MPPED1: variants seen among roughly 807,000 people sequenced by gnomAD.
The protein encoded by MPPED1 is metallophosphoesterase domain containing 1.
In MPPED1, 16 loss-of-function variants were observed where a neutral mutation model predicts 36.2. The observed-to-expected ratio is 0.44, with a 90% CI of 0.30 to 0.67. The LOEUF is 0.67. Among genes scored for constraint, MPPED1 ranks in the 30% least tolerant of loss-of-function variants. The pLI, the probability that MPPED1 is intolerant of heterozygous loss-of-function variation, is 0.10. For synonymous variants in MPPED1, 199 were observed against 191.3 expected (o/e 1.04, Z -0.33); for missense variants, 307 against 453.4 (o/e 0.68, Z 2.93).
At chr22:43,412,834 C>T (rs1342960210) in intron 1 of MPPED1, among the ~76,000 whole-genome samples, 1 of 152,226 alleles carries the variant, frequency 6.6e-6, no homozygotes, top group Non-Finnish European at 1.5e-5. Context: ...AGTTCTGTCT[C>T]CTGTGTGTTT....
At chr22:43,453,618 A>G (rs1930652444) in intron 3 of MPPED1, among the ~76,000 whole-genome samples, 1 of 152,086 alleles carries the variant, frequency 6.6e-6, no homozygotes, top group Non-Finnish European at 1.5e-5. Context: ...GTTGACTTCT[A>G]CAGTTCTAGA....
intron 4 of MPPED1, among the ~76,000 whole-genome samples, chr22:43,497,487 G>A (rs894790037): frequency 2.6e-5 from 4 of 152,090 alleles, no homozygotes; most frequent in Non-Finnish European, 5.9e-5. Context: ...TTTATACACA[G>A]GGATGATAGT....
chr22:43,422,162 C>T (rs764636000), intron 1 of MPPED1, among the ~76,000 whole-genome samples: 39 of 152,172 alleles, frequency 2.6e-4, no homozygotes, highest in Admixed American at 1.4e-3. Context: ...CTTCAGCCAG[C>T]GGGAGAGGAG....
chr22:43,495,504 AGG>A (rs2146911019), intron 4 of MPPED1, among the ~76,000 whole-genome samples: 1 of 9,566 alleles, frequency 1.0e-4, no homozygotes, highest in African/African-American at 9.4e-4. Flanking sequence ...GTGGTGGTGG[AGG>A]TGGTGGTGGT....
intron 4 of MPPED1, among the ~76,000 whole-genome samples, chr22:43,485,866 C>T (rs973226480): frequency 4.6e-5 from 7 of 152,232 alleles, no homozygotes; most frequent in African/African-American, 7.2e-5. Context: ...CAGTTGTGTG[C>T]CCCGGCCAGG....
chr22:43,453,698 A>G (rs1930653980), intron 3 of MPPED1, among the ~76,000 whole-genome samples: 1 of 152,084 alleles, frequency 6.6e-6, no homozygotes, highest in Non-Finnish European at 1.5e-5. Flanking sequence ...CATTGCTAGA[A>G]CTCTCAGAGC....
intron 1 of MPPED1, among the ~76,000 whole-genome samples, chr22:43,424,109 C>G (rs73426273): frequency 6.6e-6 from 1 of 152,062 alleles, no homozygotes; most frequent in Non-Finnish European, 1.5e-5. Context: ...TGCACTTCCC[C>G]GTGAAAAAGA....
chr22:43,499,258 AGGTGGTGGT>A, intron 5 of MPPED1, among the ~76,000 whole-genome samples: 1 of 126,036 alleles, frequency 7.9e-6, no homozygotes, highest in East Asian at 2.5e-4. Context: ...GTGGTGATGG[AGGTGGTGGT>A]GATGGTGATG....
At chr22:43,499,545 TG>T (rs1405705787) in intron 5 of MPPED1, among the ~76,000 whole-genome samples, 14 of 81,974 alleles carry the variant, frequency 1.7e-4, no homozygotes, top group East Asian at 9.3e-4. Context: ...GTGGTGATGG[TG>T]GGTGGTGGTG....
intron 4 of MPPED1, 42 bp from the exon 5 acceptor site, chr22:43,498,193 C>A: frequency 1.3e-6 from 2 of 1,489,496 alleles, no homozygotes; most frequent in Non-Finnish European, 1.8e-6. Context: ...CCACCCTGTA[C>A]TTTCACCCGC....
intron 1 of MPPED1, among the ~76,000 whole-genome samples, chr22:43,423,070 C>G (rs1026372204): frequency 1.3e-5 from 2 of 152,146 alleles, no homozygotes; most frequent in African/African-American, 4.8e-5. Context: ...CTCTTGACCT[C>G]AGGTGATCCG....
intron 3 of MPPED1, among the ~76,000 whole-genome samples, chr22:43,442,269 C>G (rs1032340179): frequency 1.3e-5 from 2 of 152,042 alleles, no homozygotes; most frequent in Non-Finnish European, 2.9e-5. Context: ...GCTTTTGTTT[C>G]TTTATTTTTC....
chr22:43,463,858 T>A (rs182530312), intron 3 of MPPED1, among the ~76,000 whole-genome samples: 30 of 147,990 alleles, frequency 2.0e-4, no homozygotes, highest in African/African-American at 7.2e-4. Context: ...TTTCTTTCTT[T>A]CTTTCTTTCT....
intron 1 of MPPED1, among the ~76,000 whole-genome samples, chr22:43,422,691 A>C (rs1367751427): frequency 6.6e-6 from 1 of 152,136 alleles, no homozygotes; most frequent in Admixed American, 6.5e-5. Context: ...GCAGCTCCTC[A>C]ATATGCAAGG....
chr22:43,436,423 C>T (rs1929963406), intron 3 of MPPED1, among the ~76,000 whole-genome samples: 2 of 152,258 alleles, frequency 1.3e-5, no homozygotes, highest in South Asian at 4.1e-4. Context: ...GAGCCAGGGG[C>T]CCGACTCTGC....
chr22:43,442,815 C>T (rs1930196877), intron 3 of MPPED1, among the ~76,000 whole-genome samples: 1 of 152,198 alleles, frequency 6.6e-6, no homozygotes, highest in Non-Finnish European at 1.5e-5. Flanking sequence ...CTCAGCCCCT[C>T]CTGGCACTTA....
Position 43,507,081 on chromosome 22 carries a change from C to T in MPPED1, c.*1465C>T, listed in dbSNP as rs1932827186. 2 of 152,130 alleles carry T rather than the reference C, an allele frequency of 1.3e-5. No individual in the cohort carries two copies. Among genetic ancestry groups the T allele is most frequent in the Admixed American group, 1.3e-4 (2 of 15,284 alleles). The allele number at this position is 152,130 out of a possible 1,614,324, so 9.4% of individuals were successfully genotyped here. A position where few individuals can be genotyped will look rare whatever the true frequency, so the allele number is the denominator to read the frequency against. On this transcript the variant is annotated 3_prime_UTR_variant, in exon 7 of 7. Coordinates refer to ENST00000443721, the MANE Select transcript of MPPED1 (RefSeq NM_001044370.2). ...TCCTTCAAGGTAGGTACTTTAGTCC[C>T]ATTTTAGAGATGAGACGATTGAGGC...
intron 4 of MPPED1, among the ~76,000 whole-genome samples, chr22:43,495,612 TAGTAGTGGTGGAGATGGTGGTGGTGGA>T (rs1569088874): frequency 1.6e-4 from 12 of 75,134 alleles, no homozygotes; most frequent in Non-Finnish European, 2.4e-4. Context: ...ATGGTGGAGG[TAGTAGTGGTGGAGATGGTGGTGGTGGA>T]GGTGATGGTG....
intron 1 of MPPED1, among the ~76,000 whole-genome samples, chr22:43,414,747 C>T (rs1161583671): frequency 6.6e-6 from 1 of 151,842 alleles, no homozygotes; most frequent in Non-Finnish European, 1.5e-5. Flanking sequence ...TCACCGGGAA[C>T]AAAAAAGGGT....
Sources: gnomAD v4.1 joint callset for allele counts (sites outside exome capture counted in the v4.1 genomes callset) on GRCh38, gnomAD v4.1.1 for gene constraint, MANE v1.5 for transcripts, NCBI Gene and HGNC (gene_info 2026-07-23, HGNC 2026-07-21) for gene names.